TRIO: variants seen among roughly 807,000 people sequenced by gnomAD.
TRIO encodes the protein triple functional domain protein.
A neutral mutation model predicts 351.9 loss-of-function variants in TRIO; 58 were observed. That is an observed-to-expected ratio of 0.16 (90% CI 0.13 to 0.21). The LOEUF (loss-of-function observed/expected upper bound fraction) is 0.21. Ranked by LOEUF, TRIO falls within the 10% of genes least tolerant of loss-of-function variation. The pLI is 1.00. For missense variants in TRIO, 3,201 were observed against 4,027.8 expected, an observed-to-expected ratio of 0.79 and a Z score of 5.56; for synonymous variants, 1,758 against 1,595.7, an observed-to-expected ratio of 1.10 and a Z score of -2.42.
chr5:14,159,917 C>T (rs776146181), intron 1 of TRIO, among the ~76,000 whole-genome samples: 2 of 152,116 alleles, frequency 1.3e-5, no homozygotes, highest in South Asian at 2.1e-4. Context: ...GCATATAGAC[C>T]GAGACATAGA....
At chr5:14,477,788 C>T (rs1418196799) in intron 41 of TRIO, among the ~76,000 whole-genome samples, 2 of 152,196 alleles carry the variant, frequency 1.3e-5, no homozygotes, top group East Asian at 3.8e-4. Context: ...AGGTCACAGA[C>T]TTAGGCAGAT....
chr5:14,256,039 A>G (rs1025155934), intron 1 of TRIO, among the ~76,000 whole-genome samples: 2 of 152,204 alleles, frequency 1.3e-5, no homozygotes, highest in African/African-American at 2.4e-5. Flanking sequence ...ATAAAGAAAT[A>G]TTGGAGACTG....
At chr5:14,168,930 C>T (rs564834138) in intron 1 of TRIO, among the ~76,000 whole-genome samples, 7 of 152,324 alleles carry the variant, frequency 4.6e-5, no homozygotes, top group South Asian at 2.1e-4. Context: ...TCTTTGTCCA[C>T]GGGTTGGGAA....
intron 34 of TRIO, among the ~76,000 whole-genome samples, chr5:14,459,280 G>C (rs1045292025): frequency 6.6e-6 from 1 of 152,228 alleles, no homozygotes; most frequent in Non-Finnish European, 1.5e-5. Context: ...CCTGCAGCAG[G>C]GAATGGCGTC....
chr5:14,393,989 A>G, intron 27 of TRIO, 49 bp from the exon 28 acceptor site: 1 of 1,268,368 alleles, frequency 7.9e-7, no homozygotes, highest in Non-Finnish European at 1.1e-6. Flanking sequence ...CCATGATTTA[A>G]TAGTGTAGCC....
intron 1 of TRIO, among the ~76,000 whole-genome samples, chr5:14,204,980 T>C (rs1387621357): frequency 6.6e-6 from 1 of 152,032 alleles, no homozygotes; most frequent in Non-Finnish European, 1.5e-5. Context: ...GGATGCGTGG[T>C]GTCACCCCTT....
intron 1 of TRIO, among the ~76,000 whole-genome samples, chr5:14,192,096 G>GCAATGGCAATAATGATGA (rs1163205321): frequency 2.0e-5 from 3 of 152,046 alleles, no homozygotes; most frequent in Non-Finnish European, 4.4e-5. Flanking sequence ...ATTAGTAATG[G>GCAATGGCAATAATGATGA]CAATGGCAAT....
chr5:14,303,405 T>A (rs1738085716), intron 7 of TRIO, among the ~76,000 whole-genome samples: 1 of 137,520 alleles, frequency 7.3e-6, no homozygotes, highest in African/African-American at 2.8e-5. Context: ...CAGGAATTGA[T>A]GATCCTGGAG....
In TRIO at chr5:14,297,143, G is replaced by C. The variant is rs370222007; in HGVS notation, c.1248G>C (p.Ser416=). ...NRLVESGHYA[S]QQIRQIASQL... is the part of the protein sequence containing the mutation. ...TGGTGGAGTCTGGCCACTATGCCTC[G>C]CAGCAGATCAGGCAGATCGCGAGTC... is the stretch of plus-strand genomic sequence containing the variant. Residue 416 remains serine, a synonymous_variant, in exon 7 of 57, where the codon TCG becomes TCC. Transcript: ENST00000344204. 2 of 1,614,152 alleles carry C rather than the reference G, an allele frequency of 1.2e-6. No individual in the cohort carries two copies. Among genetic ancestry groups the C allele is most frequent in the African/African-American group, 2.7e-5 (2 of 75,038 alleles).
chr5:14,343,183 C>T (rs553253724), intron 11 of TRIO, among the ~76,000 whole-genome samples: 14 of 152,140 alleles, frequency 9.2e-5, no homozygotes, highest in Non-Finnish European at 1.8e-4. Flanking sequence ...ATAACCTCAG[C>T]ACACAATCAA....
intron 9 of TRIO, among the ~76,000 whole-genome samples, chr5:14,325,176 A>G (rs1480277458): frequency 2.6e-5 from 4 of 152,220 alleles, no homozygotes; most frequent in African/African-American, 7.2e-5. Context: ...TGGTTTTCAC[A>G]TCGTATGTTG....
chr5:14,443,743 C>T (rs1322568699), intron 34 of TRIO, among the ~76,000 whole-genome samples: 4 of 152,162 alleles, frequency 2.6e-5, no homozygotes, highest in African/African-American at 4.8e-5. Flanking sequence ...TTGCCATTGT[C>T]AATAACTTAC....
rs762237147 is a variant in TRIO at position 14,492,833 on chromosome 5, C to T, written c.7880+19C>T. 10 of 1,607,754 alleles carry T rather than the reference C, an allele frequency of 6.2e-6. No homozygotes were observed. Among genetic ancestry groups the T allele is most frequent in the East Asian group, 2.2e-5 (1 of 44,732 alleles). On this transcript the variant is annotated intron_variant, in intron 49 of 56. Transcript: ENST00000344204. ...CTCTCAAGTGAGTGCTTGACAGTAA[C>T]GGCGTCCTGGCAGGCAGCAGAGGGA...
chr5:14,487,513 C>CGGT lies in TRIO; in HGVS notation c.6887_6888insTGG (p.Gly2298dup), dbSNP rs1756023069. The CGGT allele has an allele frequency of 1.1e-6, 1 of 934,546 alleles. No homozygotes were observed. The highest frequency in any genetic ancestry group is 1.8e-5 in the African/African-American group (1 of 55,976). The allele number at this position is 934,546 out of a possible 1,614,324, so 57.9% of individuals were successfully genotyped here. A position where few individuals can be genotyped will look rare whatever the true frequency, so the allele number is the denominator to read the frequency against. On this transcript the variant is annotated inframe_insertion, in exon 48 of 57. Coordinates refer to ENST00000344204, the MANE Select transcript of TRIO (RefSeq NM_007118.4). The stretch of plus-strand genomic sequence containing the variant: ...AGAGGAACCACAGCGGGGGCGGCGG[C>CGGT]GGCGGCGGCAGCGGGGGCAGCGGCG...
At chr5:14,216,118 A>T (rs2152201216) in intron 1 of TRIO, among the ~76,000 whole-genome samples, 1 of 152,348 alleles carries the variant, frequency 6.6e-6, no homozygotes, top group East Asian at 1.9e-4. Context: ...AGAGCTTAAC[A>T]AGGGTTGACT....
chr5:14,221,757 G>GT (rs1381887180), intron 1 of TRIO, among the ~76,000 whole-genome samples: 1 of 152,046 alleles, frequency 6.6e-6, no homozygotes, highest in Non-Finnish European at 1.5e-5. Context: ...AAAGAAAGTG[G>GT]TTTTTTGAGA....
intron 34 of TRIO, among the ~76,000 whole-genome samples, chr5:14,427,649 G>A (rs560598738): frequency 3.9e-5 from 6 of 152,140 alleles, no homozygotes; most frequent in East Asian, 1.9e-4. Flanking sequence ...CCACAGGGCC[G>A]CGGCCTTGTC....
intron 3 of TRIO, among the ~76,000 whole-genome samples, chr5:14,282,998 G>T (rs1413710836): frequency 6.6e-6 from 1 of 152,158 alleles, no homozygotes; most frequent in Non-Finnish European, 1.5e-5. Context: ...TCCTCTCTGG[G>T]CCCTCTCCCC....
At chr5:14,479,659 A>C (rs1364759132) in intron 42 of TRIO, among the ~76,000 whole-genome samples, 1 of 152,042 alleles carries the variant, frequency 6.6e-6, no homozygotes, top group Non-Finnish European at 1.5e-5. Context: ...CCTAAAAATA[A>C]TATATATATT....
Sources: allele counts gnomAD v4.1 joint callset (sites outside exome capture counted in the v4.1 genomes callset), GRCh38; gene constraint gnomAD v4.1.1; transcripts MANE v1.5; gene names NCBI Gene and HGNC (gene_info 2026-07-23, HGNC 2026-07-21).